Variants in FKBP1B observed in about 807,000 individuals in gnomAD.
FKBP1B encodes FKBP prolyl isomerase 1B, also known as peptidyl-prolyl cis-trans isomerase FKBP1B.
Under a neutral mutation model 13.5 loss-of-function variants are expected in FKBP1B, and 4 were observed. The ratio of observed to expected loss-of-function variants is 0.30; its 90% CI spans 0.15 to 0.68. The LOEUF (loss-of-function observed/expected upper bound fraction) is 0.68. Among genes scored for constraint, FKBP1B ranks in the 30% least tolerant of loss-of-function variants. The pLI is 0.76. For missense variants in FKBP1B, 93 were observed against 136.2 expected, an observed-to-expected ratio of 0.68 and a Z score of 1.58; for synonymous variants, 54 against 53.6, an observed-to-expected ratio of 1.01 and a Z score of -0.03.
chr2:24,037,991 G>A, the FKBP1B span: 1 of 1,614,184 alleles, frequency 6.2e-7, no homozygotes, highest in Non-Finnish European at 8.5e-7. Flanking sequence ...CTAGACAGAG[G>A]ACTCTGGATT....
chr2:24,038,321 A>C, the FKBP1B span: 4 of 1,614,098 alleles, frequency 2.5e-6, no homozygotes, highest in African/African-American at 5.3e-5. Flanking sequence ...GTCAAGAAAC[A>C]TATCCCTTTT....
At chr2:24,049,922 G>A (rs1188945918) in intron 1 of FKBP1B, 36 bp downstream of exon 1, 1 of 1,382,134 alleles carries the variant, frequency 7.2e-7, no homozygotes, top group South Asian at 1.6e-5. Context: ...GGAGGGGAGG[G>A]GTCCCGGGGC....
chr2:24,038,569 A>G, the FKBP1B span: 2 of 1,614,164 alleles, frequency 1.2e-6, no homozygotes, highest in African/African-American at 1.3e-5. Context: ...AGTTCCTGTC[A>G]AGTAGTCCTT....
At chr2:24,060,066 C>G (rs1461175260) in intron 2 of FKBP1B, among the ~76,000 whole-genome samples, 1 of 151,788 alleles carries the variant, frequency 6.6e-6, no homozygotes, top group Non-Finnish European at 1.5e-5. Flanking sequence ...GGATTCTGCT[C>G]TGGGGAGCTA....
the FKBP1B span, chr2:24,038,435 C>G: frequency 2.5e-6 from 4 of 1,614,166 alleles, no homozygotes; most frequent in Non-Finnish European, 3.4e-6. Context: ...GCCACTGCCA[C>G]TACGTGGGCT....
intron 2 of FKBP1B, among the ~76,000 whole-genome samples, chr2:24,059,376 G>GGGGC (rs1664282282): frequency 1.3e-5 from 2 of 151,702 alleles, no homozygotes; most frequent in African/African-American, 4.8e-5. Context: ...AGCACCTGGG[G>GGGGC]GGGGGTTCTG....
Position 24,054,037 on chromosome 2 carries a change from C to T in FKBP1B, c.85+88C>T, listed in dbSNP as rs1206091977. The T allele has an allele frequency of 3.0e-6, 4 of 1,327,254 alleles. No homozygotes were observed. The South Asian group carries it at 3.6e-5, about 12-fold the overall frequency. The allele number at this position is 1,327,254 out of a possible 1,614,324, so 82.2% of individuals were successfully genotyped here. A position where few individuals can be genotyped will look rare whatever the true frequency, so the allele number is the denominator to read the frequency against. ...AGCTTCTCTCCAGAGGTGCCTGCCT[C>T]TGGATCAGGGCTAAAGCCCAAGGCA... On this transcript the variant is annotated intron_variant, in intron 2 of 3. Transcript: ENST00000380986.
the FKBP1B span, among the ~76,000 whole-genome samples, chr2:24,039,867 G>A: frequency 6.6e-6 from 1 of 151,880 alleles, no homozygotes; most frequent in South Asian, 2.1e-4. Flanking sequence ...GCACAATCTC[G>A]GCGCACTTCA....
At chr2:24,036,065 A>AAAATAAATAAAT in the FKBP1B span, among the ~76,000 whole-genome samples, 5,397 of 140,316 alleles carry the variant, frequency 0.038, 130 homozygotes, top group East Asian at 0.067. Flanking sequence ...CTCCGTCTCA[A>AAAATAAATAAAT]AAATAAATAA....
chr2:24,036,747 A>G, the FKBP1B span, among the ~76,000 whole-genome samples: 3 of 152,238 alleles, frequency 2.0e-5, no homozygotes, highest in Non-Finnish European at 4.4e-5. Context: ...AGAGTGCACC[A>G]TATCACCCTA....
rs936702121 is a variant in FKBP1B, at chr2:24,050,417, T to C, written c.37+531T>C. Among the ~76,000 whole-genome samples, 1 of 152,132 alleles carries C rather than the reference T, an allele frequency of 6.6e-6. No homozygotes were observed. Among genetic ancestry groups the C allele is most frequent in the Non-Finnish European group, 1.5e-5 (1 of 68,002 alleles). On this transcript the variant is annotated intron_variant, in intron 1 of 3. Transcript: ENST00000380986. The surrounding 1 kb of genome is among the most constrained non-coding windows in gnomAD (Gnocchi z 5.8). ...AGGGGGAAGCGCTCCCTTGCCCGCTTCCGGATCTCGCTTTATCCTGCCGCC... is the reference window on the plus strand; with the variant it reads ...AGGGGGAAGCGCTCCCTTGCCCGCTCCCGGATCTCGCTTTATCCTGCCGCC...
At chr2:24,037,255 T>G in the FKBP1B span, among the ~76,000 whole-genome samples, 1 of 152,164 alleles carries the variant, frequency 6.6e-6, no homozygotes, top group South Asian at 2.1e-4. Flanking sequence ...ACTCCTGACC[T>G]CAGGTGATCC....
At chr2:24,038,795 A>G in the FKBP1B span, 1 of 1,614,200 alleles carries the variant, frequency 6.2e-7, no homozygotes, top group Non-Finnish European at 8.5e-7. Context: ...AAGGTTTCAG[A>G]TGCATTTAAG....
In FKBP1B at chr2:24,054,031, C is replaced by T. The variant is rs537308599; in HGVS notation, c.85+82C>T. ...CCTCTGAGCTTCTCTCCAGAGGTGC[C>T]TGCCTCTGGATCAGGGCTAAAGCCC... On this transcript the variant is annotated intron_variant, in intron 2 of 3. Transcript: ENST00000380986. The T allele has an allele frequency of 7.3e-6, 10 of 1,362,256 alleles. No homozygotes were observed. In the East Asian group the frequency reaches 1.8e-4, roughly 25 times the overall value. The allele number at this position is 1,362,256 out of a possible 1,614,324, so 84.4% of individuals were successfully genotyped here. A position where few individuals can be genotyped will look rare whatever the true frequency, so the allele number is the denominator to read the frequency against.
chr2:24,054,366 A>C (rs1445577814), intron 2 of FKBP1B: 5 of 279,958 alleles, frequency 1.8e-5, no homozygotes, highest in Non-Finnish European at 3.7e-5. Context: ...CAAGTCACCC[A>C]GAGGCTCCGA....
chr2:24,061,627 A>C (rs1235192818), intron 3 of FKBP1B, among the ~76,000 whole-genome samples: 1 of 152,216 alleles, frequency 6.6e-6, no homozygotes, highest in Non-Finnish European at 1.5e-5. Context: ...TCTATATTCT[A>C]TCCAGCTTCC....
chr2:24,038,516 C>G, the FKBP1B span: 1 of 1,614,220 alleles, frequency 6.2e-7, no homozygotes. Flanking sequence ...ATGGTAACTG[C>G]CTTCTTAAAG....
chr2:24,035,228 GA>G, the FKBP1B span, among the ~76,000 whole-genome samples: 3 of 151,692 alleles, frequency 2.0e-5, no homozygotes, highest in African/African-American at 7.2e-5. Context: ...TGGAAAAAAA[GA>G]TGAAAAAAGA....
chr2:24,037,011 C>CA, the FKBP1B span, among the ~76,000 whole-genome samples: 1 of 152,232 alleles, frequency 6.6e-6, no homozygotes, highest in Non-Finnish European at 1.5e-5. Context: ...TGCATCAAAA[C>CA]ATTTTAAATG....
Sources: gnomAD v4.1 joint callset for allele counts (sites outside exome capture counted in the v4.1 genomes callset) on GRCh38, gnomAD v4.1.1 for gene constraint, Gnocchi (gnomAD v3.1) non-coding constraint, MANE v1.5 for transcripts, NCBI Gene and HGNC (gene_info 2026-07-23, HGNC 2026-07-21) for gene names.